ERCC6L2: variants seen among roughly 807,000 people sequenced by gnomAD.
The protein encoded by ERCC6L2 is DNA excision repair protein ERCC-6-like 2.
In ERCC6L2, 77 loss-of-function variants were observed where a neutral mutation model predicts 132.0. The observed-to-expected ratio is 0.58, with a 90% confidence interval of 0.49 to 0.71. The LOEUF is 0.71. Among genes scored for constraint, ERCC6L2 ranks in the 30% least tolerant of loss-of-function variants. The probability of loss-of-function intolerance (pLI) is 0.00; values close to 1 mark genes in which losing one functional copy is unlikely to be tolerated. For missense variants in ERCC6L2, 1,542 were observed against 1,837.6 expected (o/e 0.84, Z 2.94); for synonymous variants, 583 against 632.4 (o/e 0.92, Z 1.17).
intron 6 of ERCC6L2, among the ~76,000 whole-genome samples, chr9:95,920,707 C>T (rs578195040): frequency 3.4e-4 from 51 of 152,012 alleles, no homozygotes; most frequent in Non-Finnish European, 5.9e-4. Context: ...GGGTGGAGAG[C>T]AAAGAATATA....
In ERCC6L2 at chr9:95,897,536, A is replaced by C. The variant is rs1351257326; in HGVS notation, c.472-313A>C. Among the ~76,000 whole-genome samples the C allele has an allele frequency of 3.9e-5, 6 of 152,316 alleles. 1 individual carries two copies. The highest frequency in any genetic ancestry group is 3.9e-4 in the Admixed American group (6 of 15,296). On this transcript the variant is annotated intron_variant, in intron 2 of 18. Coordinates refer to ENST00000653738, the MANE Select transcript of ERCC6L2 (RefSeq NM_020207.7). ...CAGTTTATTCTGATAGAGGATACGAAGAGATAGTTTCCATGGTTAGAAACA... is the reference window on the plus strand; with the variant it reads ...CAGTTTATTCTGATAGAGGATACGACGAGATAGTTTCCATGGTTAGAAACA...
chr9:95,941,940 T>A (rs116191129), intron 12 of ERCC6L2, among the ~76,000 whole-genome samples: 2,722 of 152,196 alleles, frequency 0.018, 87 homozygotes, highest in African/African-American at 0.061. Flanking sequence ...GTACAGAAAT[T>A]TTAAGCATGG....
rs766503003 is a variant in ERCC6L2 at position 95,923,260 on chromosome 9, G to A, written c.1414G>A (p.Glu472Lys). The A allele has an allele frequency of 6.2e-7, 1 of 1,612,602 alleles. No homozygotes were observed. Among genetic ancestry groups the A allele is most frequent in the South Asian group, 1.1e-5 (1 of 90,924 alleles). The stretch of plus-strand genomic sequence containing the variant: ...TTTTCTTCTGCCTTTTCCCTTCAAG[G>A]AAACACTTATCAAAAGGATATGTGA... The part of the protein sequence containing the change: ...LQAASTSKQQ[E>K]TLIKRICDQV... Residue 472 changes from glutamate (E) to lysine (K), a missense_variant and splice_region_variant, in exon 9 of 19, where the codon GAA becomes AAA. By Grantham distance (56) the Glu-to-Lys change is moderately conservative (BLOSUM62 1). Around this residue, in one of 4 missense-constraint regions of ERCC6L2, gnomAD observed 945 missense variants for 1,105.2 expected, o/e 0.86. Transcript: ENST00000653738.
chr9:95,876,094 C>T lies in ERCC6L2; in HGVS notation c.46+10C>T, dbSNP rs749050155. On this transcript the variant is annotated intron_variant, in intron 1 of 18. Coordinates refer to ENST00000653738, the MANE Select transcript of ERCC6L2 (RefSeq NM_020207.7). ...GAAACCTCAGGCAAAGGTACCAGCTCCGCGCTCGCCCCTTACGCAGAGGCC... is the reference window on the plus strand; with the variant it reads ...GAAACCTCAGGCAAAGGTACCAGCTTCGCGCTCGCCCCTTACGCAGAGGCC... 10 of 1,563,672 alleles carry T rather than the reference C, an allele frequency of 6.4e-6. No individual in the cohort carries two copies. The highest frequency in any genetic ancestry group is 1.9e-5 in the Admixed American group (1 of 53,142).
intron 12 of ERCC6L2, among the ~76,000 whole-genome samples, chr9:95,946,801 G>C (rs1426442221): frequency 6.6e-6 from 1 of 152,164 alleles, no homozygotes; most frequent in Non-Finnish European, 1.5e-5. Context: ...CATTATTTCA[G>C]ATTTTCATTA....
At chr9:95,900,613 C>T (rs1262478556) in intron 3 of ERCC6L2, among the ~76,000 whole-genome samples, 9 of 152,078 alleles carry the variant, frequency 5.9e-5, no homozygotes, top group Non-Finnish European at 1.0e-4. Context: ...AGTTTTGTTG[C>T]ATCAGATAAC....
intron 2 of ERCC6L2, among the ~76,000 whole-genome samples, chr9:95,888,269 T>G (rs868570110): frequency 6.6e-5 from 10 of 152,144 alleles, no homozygotes; most frequent in African/African-American, 1.9e-4. Context: ...TTTCCCAGCC[T>G]CAGATTTACT....
At chr9:95,906,998 G>T in intron 3 of ERCC6L2, 80 bp from the exon 4 acceptor site, 2 of 906,452 alleles carry the variant, frequency 2.2e-6, no homozygotes, top group Non-Finnish European at 3.5e-6. Context: ...GAGGACTATT[G>T]ATATTGATAT....
intron 12 of ERCC6L2, among the ~76,000 whole-genome samples, chr9:95,942,063 C>T (rs1830830086): frequency 6.6e-6 from 1 of 152,238 alleles, no homozygotes; most frequent in South Asian, 2.1e-4. Context: ...GAGAGATTGG[C>T]CGTAACAGGT....
At chr9:95,955,048 A>G (rs1831531866) in intron 12 of ERCC6L2, 1 of 369,388 alleles carries the variant, frequency 2.7e-6, no homozygotes, top group Non-Finnish European at 5.4e-6. Context: ...GGTTCCCCTC[A>G]GCAACTGTAA....
rs186123753 is a variant in ERCC6L2, at chr9:95,921,066, C to T, written c.1159-109C>T. ...TTGGGATTACAGGCGTGAGCCTCTG[C>T]GCCCGGCCAGTTTTCACTGTTATAA... On this transcript the variant is annotated intron_variant, in intron 6 of 18. Transcript: ENST00000653738. The T allele has an allele frequency of 2.5e-4, 266 of 1,067,016 alleles. 1 individual carries two copies. The highest frequency in any genetic ancestry group is 1.6e-4 in the Non-Finnish European group (124 of 765,388). The allele number at this position is 1,067,016 out of a possible 1,614,324, so 66.1% of individuals were successfully genotyped here. A position where few individuals can be genotyped will look rare whatever the true frequency, so the allele number is the denominator to read the frequency against.
chr9:95,973,537 G>A (rs1022611557), intron 16 of ERCC6L2, among the ~76,000 whole-genome samples: 2 of 152,168 alleles, frequency 1.3e-5, no homozygotes, highest in Non-Finnish European at 2.9e-5. Flanking sequence ...GCAGTGAGGA[G>A]CAAGTCATGT....
chr9:95,915,239 A>G (rs1031980957), intron 4 of ERCC6L2, among the ~76,000 whole-genome samples: 8 of 152,234 alleles, frequency 5.3e-5, no homozygotes, highest in African/African-American at 1.9e-4. Context: ...GTAACAATCA[A>G]CTCTAAACTT....
chr9:96,033,425 T>G (rs747250553), intron 19 of ERCC6L2, among the ~76,000 whole-genome samples: 8 of 152,188 alleles, frequency 5.3e-5, no homozygotes, highest in Non-Finnish European at 1.2e-4. Context: ...TTTTGCATTT[T>G]CAGTGGAGAC....
chr9:96,037,483 T>G (rs764953289), intron 19 of ERCC6L2, among the ~76,000 whole-genome samples: 3 of 152,220 alleles, frequency 2.0e-5, no homozygotes, highest in Non-Finnish European at 4.4e-5. Flanking sequence ...TTTTCCAAGA[T>G]AAATTAACTG....
chr9:95,937,667 G>A (rs1830615950), intron 11 of ERCC6L2, among the ~76,000 whole-genome samples: 1 of 151,738 alleles, frequency 6.6e-6, no homozygotes, highest in African/African-American at 2.4e-5. Flanking sequence ...TTTAATAGCT[G>A]TAGGATCTGT....
chr9:95,881,245 AG>A lies in ERCC6L2; in HGVS notation c.425del (p.Gly142GlufsTer43). 1 of 1,586,174 alleles carries A rather than the reference AG, an allele frequency of 6.3e-7. No homozygotes were observed. Among genetic ancestry groups the A allele is most frequent in the East Asian group, 2.2e-5 (1 of 44,752 alleles). On this transcript the variant is annotated frameshift_variant, in exon 2 of 19. Transcript: ENST00000653738. LOFTEE classifies it high-confidence loss of function. ...RFLYGHYIHG[G>X]GCILGDDMGL... ...TTCTTTATGGACACTACATCCATGG[AG>A]GAGGGTGCATTCTGGGTGATGACAT...
At chr9:95,921,017 C>T (rs1010835795) in intron 6 of ERCC6L2, among the ~76,000 whole-genome samples, 158 bp from the exon 7 acceptor site, 6 of 152,192 alleles carry the variant, frequency 3.9e-5, no homozygotes, top group Admixed American at 6.5e-5. Context: ...CCTTGTGATC[C>T]GCCCTCCTTG....
At chr9:95,949,981 C>G (rs974717614) in intron 12 of ERCC6L2, among the ~76,000 whole-genome samples, 1 of 150,892 alleles carries the variant, frequency 6.6e-6, no homozygotes, top group South Asian at 2.1e-4. Flanking sequence ...TGCCACTACA[C>G]TCCAGCCTGG....
Sources: allele counts gnomAD v4.1 joint callset (sites outside exome capture counted in the v4.1 genomes callset), GRCh38; gene constraint gnomAD v4.1.1; regional missense constraint gnomAD v4.1.1; transcripts MANE v1.5; gene names NCBI Gene and HGNC (gene_info 2026-07-23, HGNC 2026-07-21).